Variants in RIMS2 observed in about 807,000 individuals in gnomAD.
RIMS2 encodes regulating synaptic membrane exocytosis protein 2.
RIMS2 carries 59 observed loss-of-function variants against 174.4 expected under a neutral mutation model. That is an observed-to-expected ratio of 0.34 (90% CI 0.27 to 0.42). The LOEUF (loss-of-function observed/expected upper bound fraction) is 0.42, where lower values mean the gene tolerates loss of function less well. RIMS2 is among the 10% of genes least tolerant of loss of function. The probability of loss-of-function intolerance (pLI) is 1.00; values close to 1 mark genes in which losing one functional copy is unlikely to be tolerated. For missense variants in RIMS2, 1,620 were observed against 1,666.3 expected (o/e 0.97, Z 0.48); for synonymous variants, 606 against 572.5 (o/e 1.06, Z -0.84).
At chr8:104,251,846 G>T in exon 24 of RIMS2, 2 of 1,085,066 alleles carry the variant, frequency 1.8e-6, no homozygotes, top group South Asian at 1.5e-5. Flanking sequence ...TGTTGTCACA[G>T]CAACCAGCGT....
rs1294173008 is a variant in RIMS2, at chr8:104,174,763, G to A, written c.3335-70153G>A. Among the ~76,000 whole-genome samples, 28 of 152,198 alleles carry A rather than the reference G, an allele frequency of 1.8e-4. 1 individual carries two copies. Among genetic ancestry groups the A allele is most frequent in the Admixed American group, 1.8e-3 (28 of 15,286 alleles). The stretch of plus-strand genomic sequence containing the variant: ...AATAAATGATTTTGAGTTAAGTCCT[G>A]TTCAAAATTGTGAAGCTGGAGAATT... On this transcript the variant is annotated intron_variant, in intron 19 of 23. Coordinates refer to ENST00000504942, the Ensembl canonical transcript of RIMS2.
At chr8:103,859,687 A>G (rs1174501627) in intron 3 of RIMS2, among the ~76,000 whole-genome samples, 1 of 152,018 alleles carries the variant, frequency 6.6e-6, no homozygotes, top group Non-Finnish European at 1.5e-5. Flanking sequence ...AGCAAATCTA[A>G]TATGTCAATG....
At chr8:104,250,471 T>C (rs1208666148) in intron 22 of RIMS2, among the ~76,000 whole-genome samples, 15 of 152,210 alleles carry the variant, frequency 9.9e-5, no homozygotes, top group Non-Finnish European at 8.8e-5. Context: ...AAAAAAATCA[T>C]GATTTGTACA....
chr8:104,129,446 G>A (rs905573209), intron 19 of RIMS2, among the ~76,000 whole-genome samples: 52 of 152,224 alleles, frequency 3.4e-4, no homozygotes, highest in African/African-American at 1.2e-3. Flanking sequence ...CACTGTAGGC[G>A]TTAATTGTCT....
At chr8:103,909,456 A>G (rs2075207227) in intron 4 of RIMS2, among the ~76,000 whole-genome samples, 1 of 152,242 alleles carries the variant, frequency 6.6e-6, no homozygotes, top group South Asian at 2.1e-4. Flanking sequence ...GTGATTTCTG[A>G]AAAATGTGGA....
At chr8:103,869,390 T>C (rs1239076543) in intron 3 of RIMS2, among the ~76,000 whole-genome samples, 1 of 151,178 alleles carries the variant, frequency 6.6e-6, no homozygotes, top group Non-Finnish European at 1.5e-5. Context: ...AGAGACGGGG[T>C]TTCACCATGT....
chr8:103,636,021 G>A (rs948663396), intron 1 of RIMS2, among the ~76,000 whole-genome samples: 2 of 152,164 alleles, frequency 1.3e-5, no homozygotes, highest in Non-Finnish European at 2.9e-5. Context: ...GGGCAGCTGT[G>A]CTGTGCTGGT....
chr8:103,649,978 G>A (rs993566625), intron 1 of RIMS2, among the ~76,000 whole-genome samples: 4 of 152,104 alleles, frequency 2.6e-5, no homozygotes, highest in Admixed American at 6.6e-5. Flanking sequence ...AGGTGTTGTG[G>A]TCATTTGAAG....
intron 23 of RIMS2, 113 bp from the exon 30 acceptor site, chr8:104,251,489 A>G: frequency 1.5e-6 from 1 of 687,878 alleles, no homozygotes; most frequent in Non-Finnish European, 2.6e-6. Context: ...TTTTAACTTG[A>G]TCTTTGATGT....
chr8:103,625,032 TTAATC>T (rs1348861496), intron 1 of RIMS2, among the ~76,000 whole-genome samples: 3 of 152,198 alleles, frequency 2.0e-5, no homozygotes, highest in South Asian at 2.1e-4. Flanking sequence ...GTCAGATTCT[TTAATC>T]TAATTAAGTT....
At chr8:103,566,734 C>A (rs2132175439) in intron 1 of RIMS2, among the ~76,000 whole-genome samples, 1 of 152,254 alleles carries the variant, frequency 6.6e-6, no homozygotes, top group South Asian at 2.1e-4. Context: ...TTTCCTATAT[C>A]CTTGTACTGA....
intron 19 of RIMS2, among the ~76,000 whole-genome samples, chr8:104,181,737 C>T (rs562009947): frequency 1.7e-4 from 26 of 151,566 alleles, no homozygotes; most frequent in African/African-American, 6.0e-4. Flanking sequence ...ACTAAATTTA[C>T]CAAATTAAAA....
chr8:103,728,879 A>G (rs1186120658), intron 2 of RIMS2, among the ~76,000 whole-genome samples: 1 of 150,670 alleles, frequency 6.6e-6, no homozygotes, highest in Admixed American at 6.7e-5. Context: ...TAACAAATTG[A>G]TTGATTTACG....
intron 19 of RIMS2, among the ~76,000 whole-genome samples, chr8:104,026,145 G>C (rs1239125148): frequency 1.3e-5 from 2 of 152,102 alleles, no homozygotes; most frequent in Non-Finnish European, 2.9e-5. Context: ...ACTTGCATAA[G>C]AAACAATACC....
intron 1 of RIMS2, among the ~76,000 whole-genome samples, chr8:103,545,383 G>A (rs1844524005): frequency 6.6e-6 from 1 of 152,090 alleles, no homozygotes; most frequent in Non-Finnish European, 1.5e-5. Flanking sequence ...TATGTATAGA[G>A]ACCAAATCTA....
chr8:103,533,253 C>A (rs978982810), intron 1 of RIMS2, among the ~76,000 whole-genome samples: 1 of 151,986 alleles, frequency 6.6e-6, no homozygotes, highest in African/African-American at 2.4e-5. Flanking sequence ...AAACATTAAG[C>A]CTTTTGGTGG....
At chr8:104,127,828 C>G (rs2098444354) in intron 19 of RIMS2, among the ~76,000 whole-genome samples, 1 of 152,108 alleles carries the variant, frequency 6.6e-6, no homozygotes, top group Non-Finnish European at 1.5e-5. Flanking sequence ...TCATGTACTA[C>G]TAATTTAACA....
chr8:104,055,630 A>T (rs1011717845), intron 19 of RIMS2, among the ~76,000 whole-genome samples: 4 of 152,192 alleles, frequency 2.6e-5, no homozygotes, highest in African/African-American at 9.6e-5. Context: ...TTTTTCAAAG[A>T]TACAGGAATT....
intron 1 of RIMS2, among the ~76,000 whole-genome samples, chr8:103,558,631 G>GT (rs376332979): frequency 0.031 from 4,562 of 149,210 alleles, 73 homozygotes; most frequent in African/African-American, 0.046. Flanking sequence ...GGATAAGATA[G>GT]TTTTTTTTTT....
Sources: gnomAD v4.1 joint callset for allele counts (sites outside exome capture counted in the v4.1 genomes callset) on GRCh38, gnomAD v4.1.1 for gene constraint, MANE v1.5 for transcripts, NCBI Gene and HGNC (gene_info 2026-07-23, HGNC 2026-07-21) for gene names.